Variants in TRPA1 observed in about 807,000 individuals in gnomAD.
TRPA1 encodes ankyrin-like with transmembrane domains 1.
A neutral mutation model predicts 131.3 loss-of-function variants in TRPA1; 129 were observed. The observed-to-expected ratio is 0.98, with a 90% confidence interval of 0.85 to 1.14. The LOEUF is 1.14. Ranked by LOEUF, TRPA1 falls within the 50% of genes most tolerant of loss-of-function variation. The pLI, the probability that TRPA1 is intolerant of heterozygous loss-of-function variation, is 0.00. For synonymous variants in TRPA1, 441 were observed against 451.7 expected (o/e 0.98, Z 0.30); for missense variants, 1,304 against 1,354.2 (o/e 0.96, Z 0.58).
intron 4 of TRPA1, among the ~76,000 whole-genome samples, chr8:72,065,163 C>A (rs547194254): frequency 6.6e-6 from 1 of 152,328 alleles, no homozygotes; most frequent in South Asian, 2.1e-4. Flanking sequence ...GCATTCTAGC[C>A]TGACCACCAG....
chr8:72,067,189 A>C (rs1375821828), intron 3 of TRPA1, among the ~76,000 whole-genome samples: 1 of 152,184 alleles, frequency 6.6e-6, no homozygotes, highest in Non-Finnish European at 1.5e-5. Flanking sequence ...AGCAGCTTCT[A>C]AACTGGCAGG....
At chr8:72,070,657 A>G (rs752184245) in intron 2 of TRPA1, among the ~76,000 whole-genome samples, 4 of 151,996 alleles carry the variant, frequency 2.6e-5, no homozygotes, top group Non-Finnish European at 5.9e-5. Flanking sequence ...TATTTTCACT[A>G]TCTTCATCTT....
At chr8:72,072,352 G>A (rs1806082624) in intron 1 of TRPA1, among the ~76,000 whole-genome samples, 1 of 152,126 alleles carries the variant, frequency 6.6e-6, no homozygotes, top group South Asian at 2.1e-4. Flanking sequence ...ACTAAGAAAG[G>A]ATTTAGAATA....
intron 14 of TRPA1, among the ~76,000 whole-genome samples, chr8:72,051,804 A>G (rs939447811): frequency 6.6e-6 from 1 of 152,222 alleles, no homozygotes; most frequent in Admixed American, 6.5e-5. Flanking sequence ...AATTCCTTGG[A>G]GTATGGTTTA....
intron 17 of TRPA1, among the ~76,000 whole-genome samples, 191 bp from the exon 18 acceptor site, chr8:72,039,988 A>C (rs1812196317): frequency 6.6e-6 from 1 of 152,134 alleles, no homozygotes; most frequent in South Asian, 2.1e-4. Flanking sequence ...CATTTTGTAC[A>C]GGTAAAATTG....
intron 19 of TRPA1, 68 bp downstream of exon 19, chr8:72,038,797 T>C: frequency 7.4e-7 from 1 of 1,353,898 alleles, no homozygotes; most frequent in East Asian, 2.5e-5. Context: ...TATTATGGGT[T>C]TAGTAGTCTT....
upstream of TRPA1, among the ~76,000 whole-genome samples, chr8:72,080,214 T>G (rs1806262553): frequency 6.6e-6 from 1 of 151,836 alleles, no homozygotes; most frequent in African/African-American, 2.4e-5. Context: ...TATCCTTACC[T>G]TTTTCCCAAT....
intron 17 of TRPA1, 60 bp from the exon 18 acceptor site, chr8:72,039,857 T>A: frequency 9.4e-7 from 1 of 1,067,542 alleles, no homozygotes; most frequent in Non-Finnish European, 1.5e-6. Flanking sequence ...GAGTATAAAC[T>A]AATCTATTTA....
At chr8:72,039,839 C>A in intron 17 of TRPA1, 42 bp from the exon 18 acceptor site, 1 of 1,283,146 alleles carries the variant, frequency 7.8e-7, no homozygotes, top group South Asian at 1.2e-5. Flanking sequence ...CAATCATAAT[C>A]AACTACTGAG....
At chr8:72,025,882 C>A (rs965947305) in intron 25 of TRPA1, 78 bp downstream of exon 25, 5 of 1,237,232 alleles carry the variant, frequency 4.0e-6, no homozygotes, top group Non-Finnish European at 5.9e-6. Flanking sequence ...TATAAAAGGG[C>A]CCCCTTAGGG....
At chr8:72,086,093 G>A in the TRPA1 span, among the ~76,000 whole-genome samples, 8 of 151,866 alleles carry the variant, frequency 5.3e-5, no homozygotes, top group African/African-American at 1.9e-4. Context: ...AGTAGAGATG[G>A]GGTTTCAACC....
At chr8:72,089,817 T>G in the TRPA1 span, among the ~76,000 whole-genome samples, 2 of 152,122 alleles carry the variant, frequency 1.3e-5, no homozygotes, top group Non-Finnish European at 2.9e-5. Flanking sequence ...AAACTGGCAT[T>G]CAGATGTATA....
chr8:72,063,720 C>G, intron 4 of TRPA1, 149 bp from the exon 5 acceptor site: 1 of 625,288 alleles, frequency 1.6e-6, no homozygotes, highest in Non-Finnish European at 2.8e-6. Flanking sequence ...GAAATCTAGG[C>G]AAGAAGGTAA....
chr8:72,047,575 A>G (rs1805368295), intron 15 of TRPA1, among the ~76,000 whole-genome samples: 1 of 152,116 alleles, frequency 6.6e-6, no homozygotes, highest in South Asian at 2.1e-4. Context: ...GAAAATGTGA[A>G]ATTCTAAACG....
At chr8:72,061,957 A>G (rs1252669040) in intron 6 of TRPA1, among the ~76,000 whole-genome samples, 196 bp from the exon 7 acceptor site, 1 of 152,174 alleles carries the variant, frequency 6.6e-6, no homozygotes, top group Non-Finnish European at 1.5e-5. Context: ...CCACAAACAA[A>G]TTGTAGCTGA....
intron 3 of TRPA1, among the ~76,000 whole-genome samples, chr8:72,068,749 C>A (rs1251061511): frequency 6.6e-6 from 1 of 152,190 alleles, no homozygotes; most frequent in African/African-American, 2.4e-5. Flanking sequence ...AGTGGAATTA[C>A]TTCATAGTGG....
chr8:72,030,905 T>C (rs1193127639), intron 23 of TRPA1, among the ~76,000 whole-genome samples: 1 of 152,200 alleles, frequency 6.6e-6, no homozygotes, highest in East Asian at 1.9e-4. Context: ...TGAAATTAGC[T>C]CATTTCACTC....
chr8:72,029,597 C>A, intron 24 of TRPA1: 2 of 470,574 alleles, frequency 4.3e-6, no homozygotes, highest in South Asian at 4.9e-5. Flanking sequence ...TGATTTTTGA[C>A]TTTATGATGT....
Position 72,061,695 on chromosome 8 carries a change from T to C in TRPA1, c.874A>G (p.Ile292Val), listed in dbSNP as rs1805811556. ...QGATEIVKLMISSYSGSVDIV... is the reference protein window; with the variant it reads ...QGATEIVKLMVSSYSGSVDIV... The stretch of plus-strand genomic sequence containing the variant: ...TCCACGCTACCAGAATAGGACGATA[T>C]CATCAGTTTAACAATCTCAGTGGCT... The change falls in exon 7 of 27, where the codon ATA (isoleucine) becomes GTA (valine). Residue 292 changes from isoleucine to valine, a missense_variant. Physicochemically the swap from Ile to Val is conservative, Grantham distance 29. Transcript: ENST00000262209. 6.2e-7 allele frequency: 1 copy of C among 1,614,058 alleles called. No individual in the cohort carries two copies. The highest frequency in any genetic ancestry group is 1.3e-5 in the African/African-American group (1 of 75,046).
Sources: allele counts gnomAD v4.1 joint callset (sites outside exome capture counted in the v4.1 genomes callset), GRCh38; gene constraint gnomAD v4.1.1; transcripts MANE v1.5; gene names NCBI Gene and HGNC (gene_info 2026-07-23, HGNC 2026-07-21).